The following ASPSCR1 variants were observed in gnomAD, a reference collection of about 807,000 sequenced individuals.
ASPSCR1 encodes tether containing UBX domain for GLUT4.
ASPSCR1 carries 55 observed loss-of-function variants against 68.9 expected under a neutral mutation model. That is an observed-to-expected ratio of 0.80 (90% CI 0.64 to 1.00). The LOEUF is 1.00. ASPSCR1 is among the 50% of genes least tolerant of loss of function. The probability of loss-of-function intolerance (pLI) is 0.00; values close to 1 mark genes in which losing one functional copy is unlikely to be tolerated. For synonymous variants in ASPSCR1, 352 were observed against 332.6 expected, an observed-to-expected ratio of 1.06 and a Z score of -0.63; for missense variants, 765 against 762.2, an observed-to-expected ratio of 1.00 and a Z score of -0.04.
intron 12 of ASPSCR1, chr17:82,013,981 C>T (rs2043038702): frequency 6.6e-6 from 1 of 152,338 alleles, no homozygotes; most frequent in African/African-American, 2.4e-5. Flanking sequence ...CCTCACTTAT[C>T]TCTTCAAAGG....
chr17:81,981,781 G>T (rs941917689), intron 2 of ASPSCR1, among the ~76,000 whole-genome samples: 18 of 151,080 alleles, frequency 1.2e-4, no homozygotes, highest in Admixed American at 4.6e-4. Context: ...CGATTATTGT[G>T]CCTCAGCGTC....
At chr17:82,003,209 A>G (rs1007936264) in intron 7 of ASPSCR1, among the ~76,000 whole-genome samples, 1 of 152,202 alleles carries the variant, frequency 6.6e-6, no homozygotes, top group African/African-American at 2.4e-5. Flanking sequence ...ACTTCGGGAG[A>G]CCGAGCTGGG....
chr17:81,988,772 G>A (rs2042075367), intron 4 of ASPSCR1, among the ~76,000 whole-genome samples: 3 of 152,196 alleles, frequency 2.0e-5, no homozygotes, highest in South Asian at 2.1e-4. Flanking sequence ...TGGGTGTTGC[G>A]GGGCATCTGG....
At chr17:82,015,119 G>T in intron 12 of ASPSCR1, 1 of 1,598,228 alleles carries the variant, frequency 6.3e-7, no homozygotes, top group Non-Finnish European at 8.5e-7. Context: ...TGGGTCCCTC[G>T]CTGAAACGGT....
Position 81,983,573 on chromosome 17 carries a change from G to C in ASPSCR1, c.178G>C (p.Asp60His), listed in dbSNP as rs778625155. Reference sequence around the variant, plus strand: ...TTGCAGGTTTCAGAGGAGCGTGCTCGACCTTTCTCTCCAGTGGAGATTTGC... The same window carrying C: ...TTGCAGGTTTCAGAGGAGCGTGCTCCACCTTTCTCTCCAGTGGAGATTTGC... Reference protein sequence around the residue: ...YDLKFQRSVLDLSLQWRFANL... With the variant: ...YDLKFQRSVLHLSLQWRFANL... Residue 60 changes from aspartate to histidine, a missense_variant, in exon 3 of 16, where the codon GAC (aspartate) becomes CAC (histidine). Coordinates refer to ENST00000306739, the MANE Select transcript of ASPSCR1 (RefSeq NM_024083.4). This position sits in a 1 kb window ranked among gnomAD's most constrained non-coding sequence, Gnocchi z 4.4. The C allele has an allele frequency of 6.2e-7, 1 of 1,613,058 alleles. No individual in the cohort carries two copies. Among genetic ancestry groups the C allele is most frequent in the African/African-American group, 1.3e-5 (1 of 74,914 alleles).
At chr17:82,016,280 C>G (rs1275948063) in intron 12 of ASPSCR1, 196 bp from the exon 13 acceptor site, 4 of 601,458 alleles carry the variant, frequency 6.7e-6, no homozygotes, top group Non-Finnish European at 1.2e-5. Context: ...GGGCGCTGGT[C>G]CCAGGACGCC....
Position 81,996,699 on chromosome 17 carries a change from G to C in ASPSCR1, c.786G>C (p.Leu262=), listed in dbSNP as rs1381508097. The C allele has an allele frequency of 6.2e-7, 1 of 1,613,554 alleles. No homozygotes were observed. Among genetic ancestry groups the C allele is most frequent in the Non-Finnish European group, 8.5e-7 (1 of 1,179,964 alleles). Reference sequence around the variant, plus strand: ...GCCCTCCTGGGCCCACGAGGCCTCTGACATCATCTTCAGCTAAGTTGCCGA... The same window carrying C: ...GCCCTCCTGGGCCCACGAGGCCTCTCACATCATCTTCAGCTAAGTTGCCGA... The part of the protein sequence containing the change: ...LGGPPGPTRP[L]TSSSAKLPKS... Residue 262 remains leucine, a synonymous_variant, in exon 7 of 16, where the codon CTG becomes CTC. Coordinates refer to ENST00000306739, the MANE Select transcript of ASPSCR1 (RefSeq NM_024083.4).
At chr17:82,015,456 C>G in intron 12 of ASPSCR1, 1 of 1,406,600 alleles carries the variant, frequency 7.1e-7, no homozygotes, top group Non-Finnish European at 9.5e-7. Context: ...CCTGGTGTTC[C>G]CGAGTCCTGC....
rs1032664972 is a variant in ASPSCR1, at chr17:81,987,818, G to A, written c.374+2211G>A. Among the ~76,000 whole-genome samples, 1 of 151,804 alleles carries A rather than the reference G, an allele frequency of 6.6e-6. No homozygotes were observed. The highest frequency in any genetic ancestry group is 1.5e-5 in the Non-Finnish European group (1 of 67,966). On this transcript the variant is annotated intron_variant, in intron 4 of 15. Transcript: ENST00000306739. The surrounding 1 kb of genome is among the most constrained non-coding windows in gnomAD (Gnocchi z 5.6). ...GCCGAGATCGCACCATTGCACTCTA[G>A]CCTGGGTGACAAGAGCAAAACTCCA...
chr17:81,984,993 C>CA (rs2041932993), intron 3 of ASPSCR1, among the ~76,000 whole-genome samples: 1 of 121,846 alleles, frequency 8.2e-6, no homozygotes, highest in African/African-American at 3.6e-5. Flanking sequence ...CCTGCGTGCA[C>CA]ACCCCCCCAC....
intron 7 of ASPSCR1, chr17:82,008,412 GC>G (rs763822190): frequency 1.3e-5 from 2 of 152,342 alleles, no homozygotes; most frequent in Non-Finnish European, 2.9e-5. Flanking sequence ...GTGGGTCGGC[GC>G]AGTGCTGAGG....
rs373485471 is a variant in ASPSCR1 at position 82,015,935 on chromosome 17, G to A, written c.1354-541G>A. ...CCCTTGTTTGTGTCCCTGGGCCCCC[G>A]GCTGGAGGCTGAGGTTTCGGCGTTC... On this transcript the variant is annotated intron_variant, in intron 12 of 15. Coordinates refer to ENST00000306739, the MANE Select transcript of ASPSCR1 (RefSeq NM_024083.4). The A allele has an allele frequency of 2.3e-3, 381 of 165,480 alleles. 15 individuals carry two copies. In the South Asian group the frequency reaches 0.061, roughly 27 times the overall value. 10.3% of individuals were successfully genotyped at this position (165,480 alleles called of 1,614,324 possible).
chr17:82,003,538 G>T (rs2042607082), intron 7 of ASPSCR1, among the ~76,000 whole-genome samples: 2 of 152,248 alleles, frequency 1.3e-5, no homozygotes, highest in Admixed American at 6.5e-5. Flanking sequence ...ATGAGCATCG[G>T]TGCGGATGCT....
chr17:81,985,060 ACG>A lies in ASPSCR1; in HGVS notation c.274-445_274-444del, dbSNP rs2041943020. Among the ~76,000 whole-genome samples, 5 of 102,318 alleles carry A rather than the reference ACG, an allele frequency of 4.9e-5. No individual in the cohort carries two copies. In the South Asian group the frequency reaches 1.3e-3, roughly 27 times the overall value. The allele number at this position is 102,318 out of a possible 152,430, so 67.1% of individuals were successfully genotyped here. On this transcript the variant is annotated intron_variant, in intron 3 of 15. Transcript: ENST00000306739. ...ACACACCTCCCCCCCACACACACCCACGCACACACCTGTACACACACACCTAC... is the reference window on the plus strand; with the variant it reads ...ACACACCTCCCCCCCACACACACCCACACACACCTGTACACACACACCTAC...
intron 7 of ASPSCR1, chr17:82,007,106 T>G (rs2042745670): frequency 6.6e-6 from 1 of 152,248 alleles, no homozygotes; most frequent in Non-Finnish European, 1.5e-5. Flanking sequence ...TCGGGGTGAC[T>G]CAGGTGGCCT....
At position 81,983,686 on chromosome 17, in the gene ASPSCR1, G is replaced by T. The variant is rs943777566; in HGVS notation, c.273+18G>T. On this transcript the variant is annotated intron_variant, in intron 3 of 15. Coordinates refer to ENST00000306739, the MANE Select transcript of ASPSCR1 (RefSeq NM_024083.4). The surrounding 1 kb of genome is among the most constrained non-coding windows in gnomAD (Gnocchi z 4.4). ...AGAACATGGTGGGTCGTGCTCTGGG[G>T]GAGGCTGACTGTGTGGGGCACAGGA... The T allele has an allele frequency of 8.8e-6, 14 of 1,586,228 alleles. No individual in the cohort carries two copies. The highest frequency in any genetic ancestry group is 1.2e-5 in the Non-Finnish European group (14 of 1,160,208).
At position 81,977,802 on chromosome 17, in the gene ASPSCR1, A is replaced by T; in HGVS notation, c.102+54A>T. 1 of 1,181,314 alleles carries T rather than the reference A, an allele frequency of 8.5e-7. No individual in the cohort carries two copies. Among genetic ancestry groups the T allele is most frequent in the Non-Finnish European group, 1.1e-6 (1 of 950,482 alleles). The allele number at this position is 1,181,314 out of a possible 1,614,324, so 73.2% of individuals were successfully genotyped here. On this transcript the variant is annotated intron_variant, in intron 1 of 15. Coordinates refer to ENST00000306739, the MANE Select transcript of ASPSCR1 (RefSeq NM_024083.4). This position sits in a 1 kb window ranked among gnomAD's most constrained non-coding sequence, Gnocchi z 5.0. ...TAGGCGGGCGGGGGGCGCTGCGCCG[A>T]GGCCCCGCCCATTGCGGTCGGCGTC... is the stretch of plus-strand genomic sequence containing the variant.
rs764426390 is a variant in ASPSCR1, at chr17:82,016,489, C to T, written c.1367C>T (p.Pro456Leu). 1.9e-5 allele frequency: 29 copies of T among 1,548,698 alleles called. No homozygotes were observed. The highest frequency in any genetic ancestry group is 2.7e-5 in the African/African-American group (2 of 72,996). The change falls in exon 13 of 16, where the codon CCG (proline) becomes CTG (leucine). Residue 456 changes from proline to leucine, a missense_variant. Pro to Leu is a moderately conservative substitution (Grantham distance 98, BLOSUM62 -3). Coordinates refer to ENST00000306739, the MANE Select transcript of ASPSCR1 (RefSeq NM_024083.4). ...CCCTCCCTGCAGGCGAACCTCTTCC[C>T]GGCCGCTCTGGTGCACTTGGGAGCC... ...TQTLFQANLF[P>L]AALVHLGAEE...
chr17:81,991,745 C>A (rs2042174612), intron 4 of ASPSCR1, among the ~76,000 whole-genome samples: 1 of 152,250 alleles, frequency 6.6e-6, no homozygotes, highest in Non-Finnish European at 1.5e-5. Flanking sequence ...TGCGGGCCTC[C>A]CTGAGCCCAG....
Sources: gnomAD v4.1 joint callset for allele counts (sites outside exome capture counted in the v4.1 genomes callset) on GRCh38, gnomAD v4.1.1 for gene constraint, Gnocchi (gnomAD v3.1) non-coding constraint, MANE v1.5 for transcripts, NCBI Gene and HGNC (gene_info 2026-07-23, HGNC 2026-07-21) for gene names.